Variants in MYO1D observed in about 807,000 individuals in gnomAD.
MYO1D encodes unconventional myosin-Id.
A neutral mutation model predicts 122.0 loss-of-function variants in MYO1D; 83 were observed. The observed-to-expected ratio is 0.68, with a 90% confidence interval of 0.57 to 0.82. The LOEUF (loss-of-function observed/expected upper bound fraction) is 0.82, where lower values mean the gene tolerates loss of function less well. Among genes scored for constraint, MYO1D ranks in the 40% least tolerant of loss-of-function variants. The pLI is 0.00. For synonymous variants in MYO1D, 464 were observed against 446.9 expected (o/e 1.04, Z -0.48); for missense variants, 1,157 against 1,269.5 (o/e 0.91, Z 1.35).
intron 11 of MYO1D, among the ~76,000 whole-genome samples, chr17:32,753,482 T>C (rs1236941789): frequency 6.6e-6 from 1 of 152,212 alleles, no homozygotes; most frequent in Non-Finnish European, 1.5e-5. Flanking sequence ...GTCTGAAAGT[T>C]GGGAAACCTG....
rs1020021884 is a variant in MYO1D at position 32,501,696 on chromosome 17, C to G, written c.2865-6781G>C. Among the ~76,000 whole-genome samples, 95 of 152,338 alleles carry G rather than the reference C, an allele frequency of 6.2e-4. 1 individual carries two copies. The highest frequency in any genetic ancestry group is 2.2e-3 in the African/African-American group (93 of 41,584). On this transcript the variant is annotated intron_variant, in intron 21 of 21. Coordinates refer to ENST00000318217, the MANE Select transcript of MYO1D (RefSeq NM_015194.3). ...AGGCATCCCAGTCCGCGAGGACAGA[C>G]GAGCCTCTGCTTCTTGGGACCCTTC...
chr17:32,854,688 C>T (rs76711760), intron 1 of MYO1D, among the ~76,000 whole-genome samples: 1,527 of 152,262 alleles, frequency 0.01, 15 homozygotes, highest in South Asian at 0.014. Flanking sequence ...GTAAAAACAT[C>T]CCATAAATGT....
At chr17:32,750,013 A>G (rs2089882213) in intron 11 of MYO1D, among the ~76,000 whole-genome samples, 1 of 152,220 alleles carries the variant, frequency 6.6e-6, no homozygotes, top group Non-Finnish European at 1.5e-5. Context: ...ACCCCTGGAA[A>G]GGACTCCTGG....
chr17:32,822,476 C>G (rs80213872), intron 1 of MYO1D, among the ~76,000 whole-genome samples: 3 of 148,984 alleles, frequency 2.0e-5, no homozygotes, highest in South Asian at 2.1e-4. Flanking sequence ...TGGTGGGGGG[C>G]GGGGGGCGCG....
At chr17:32,601,879 G>A (rs111811271) in intron 21 of MYO1D, among the ~76,000 whole-genome samples, 8 of 152,344 alleles carry the variant, frequency 5.3e-5, no homozygotes, top group African/African-American at 1.9e-4. Flanking sequence ...CATAAAATAT[G>A]TGGGTGTGTA....
intron 21 of MYO1D, chr17:32,594,181 T>G (rs983094231): frequency 5.9e-6 from 1 of 169,354 alleles, no homozygotes; most frequent in African/African-American, 2.4e-5. Flanking sequence ...GTGCATTCAG[T>G]ACAGACATAT....
intron 12 of MYO1D, among the ~76,000 whole-genome samples, 194 bp downstream of exon 12, chr17:32,748,742 G>A (rs2089866987): frequency 6.6e-6 from 1 of 152,198 alleles, no homozygotes; most frequent in Non-Finnish European, 1.5e-5. Flanking sequence ...AGTAGTGTGT[G>A]CTCAATAAAT....
At chr17:32,730,781 G>A (rs1192345997) in intron 14 of MYO1D, among the ~76,000 whole-genome samples, 3 of 151,800 alleles carry the variant, frequency 2.0e-5, no homozygotes, top group Non-Finnish European at 2.9e-5. Context: ...TCCTGATTCT[G>A]TTAAGTCCTT....
intron 21 of MYO1D, among the ~76,000 whole-genome samples, chr17:32,541,986 T>C (rs1409768739): frequency 2.0e-5 from 3 of 152,160 alleles, no homozygotes; most frequent in African/African-American, 7.2e-5. Flanking sequence ...CCGTGTTTCC[T>C]CAGCTGTAGC....
At chr17:32,571,948 C>T (rs1009390031) in intron 21 of MYO1D, among the ~76,000 whole-genome samples, 7 of 152,122 alleles carry the variant, frequency 4.6e-5, no homozygotes, top group African/African-American at 1.7e-4. Flanking sequence ...AAATAACAGG[C>T]TGATATTACC....
At chr17:32,573,133 G>C (rs535427127) in intron 21 of MYO1D, among the ~76,000 whole-genome samples, 122 of 152,088 alleles carry the variant, frequency 8.0e-4, no homozygotes, top group African/African-American at 2.8e-3. Context: ...TCTATACTTT[G>C]GTTAAGATTA....
At chr17:32,808,369 T>TA (rs201707206) in intron 1 of MYO1D, among the ~76,000 whole-genome samples, 1,380 of 133,044 alleles carry the variant, frequency 0.01, 10 homozygotes, top group East Asian at 0.025. Context: ...CCTGTCTCTT[T>TA]AAAAAAAAAA....
At chr17:32,621,276 G>C (rs1244734743) in intron 20 of MYO1D, among the ~76,000 whole-genome samples, 1 of 151,988 alleles carries the variant, frequency 6.6e-6, no homozygotes, top group Non-Finnish European at 1.5e-5. Flanking sequence ...CTCCTCAAAC[G>C]TTTCCTTGTC....
intron 1 of MYO1D, among the ~76,000 whole-genome samples, chr17:32,833,332 A>G (rs2090789856): frequency 6.6e-6 from 1 of 152,188 alleles, no homozygotes; most frequent in African/African-American, 2.4e-5. Context: ...ATCTATCTTC[A>G]AAGTATAAAC....
rs1232993598 is a variant in MYO1D, at chr17:32,825,310, GAC to G, written c.96-44528_96-44527del. On this transcript the variant is annotated intron_variant, in intron 1 of 21. Transcript: ENST00000318217. ...TTATCTTATTTTATTTTATTTTTTT[GAC>G]ACAGTGTTTTGCTCCAATGTCTAGG... Among the ~76,000 whole-genome samples the G allele has an allele frequency of 2.7e-5, 4 of 149,584 alleles. No homozygotes were observed. In the East Asian group the frequency reaches 7.8e-4, roughly 29 times the overall value.
chr17:32,530,869 C>T (rs769948006), intron 21 of MYO1D, among the ~76,000 whole-genome samples: 3 of 152,002 alleles, frequency 2.0e-5, no homozygotes, highest in Non-Finnish European at 2.9e-5. Context: ...TGGTTTCTGT[C>T]TGCTCCCTTC....
chr17:32,860,794 G>T (rs9895889), intron 1 of MYO1D, among the ~76,000 whole-genome samples: 7,364 of 152,204 alleles, frequency 0.048, 556 homozygotes, highest in African/African-American at 0.16. Context: ...CTAACTTCAT[G>T]CATCTATACA....
At chr17:32,725,515 C>A (rs1288231618) in intron 14 of MYO1D, among the ~76,000 whole-genome samples, 2 of 147,294 alleles carry the variant, frequency 1.4e-5, no homozygotes, top group Non-Finnish European at 3.0e-5. Context: ...AGCGAGACTC[C>A]ATCTTAAAGA....
rs1343790157 is a variant in MYO1D, at chr17:32,638,643, A to T, written c.2709+79T>A. 7 of 875,854 alleles carry T rather than the reference A, an allele frequency of 8.0e-6. No individual in the cohort carries two copies. In the African/African-American group the frequency reaches 1.2e-4, roughly 15 times the overall value. The allele number at this position is 875,854 out of a possible 1,614,324, so 54.3% of individuals were successfully genotyped here. On this transcript the variant is annotated intron_variant, in intron 20 of 21. Coordinates refer to ENST00000318217, the MANE Select transcript of MYO1D (RefSeq NM_015194.3). ...ATCCTAAAGCCCCAAAGATTCTAGA[A>T]CTCAGTCTATTGACCCATTAGTGGT...
Sources: allele counts gnomAD v4.1 joint callset (sites outside exome capture counted in the v4.1 genomes callset), GRCh38; gene constraint gnomAD v4.1.1; transcripts MANE v1.5; gene names NCBI Gene and HGNC (gene_info 2026-07-23, HGNC 2026-07-21).